Variants in COMMD7 observed in about 807,000 individuals in gnomAD.
COMMD7 encodes COMM domain containing 7, also known as COMM domain-containing protein 7.
A neutral mutation model predicts 34.8 loss-of-function variants in COMMD7; 28 were observed. That is an observed-to-expected ratio of 0.80 (90% CI 0.60 to 1.10). The LOEUF (loss-of-function observed/expected upper bound fraction) is 1.10. Ranked by LOEUF, COMMD7 falls within the 50% of genes least tolerant of loss-of-function variation. The pLI is 0.00. For missense variants in COMMD7, 211 were observed against 241.6 expected, an observed-to-expected ratio of 0.87 and a Z score of 0.84; for synonymous variants, 80 against 86.4, an observed-to-expected ratio of 0.93 and a Z score of 0.41.
intron 5 of COMMD7, among the ~76,000 whole-genome samples, chr20:32,705,380 T>C (rs1455966409): frequency 6.9e-6 from 1 of 145,670 alleles, no homozygotes; most frequent in Admixed American, 6.8e-5. Context: ...ATATATATTT[T>C]TTTTTTTCTT....
At chr20:32,704,565 C>G in intron 6 of COMMD7, 76 bp from the exon 7 acceptor site, 2 of 1,497,540 alleles carry the variant, frequency 1.3e-6, no homozygotes, top group Non-Finnish European at 1.8e-6. Context: ...CCCTGAAGAC[C>G]CCAGTTTTGC....
At chr20:32,722,447 G>C (rs1344250083) in intron 3 of COMMD7, among the ~76,000 whole-genome samples, 2 of 152,044 alleles carry the variant, frequency 1.3e-5, no homozygotes, top group African/African-American at 2.4e-5. Context: ...CGTTCTGGCC[G>C]GGTGTGATGG....
At chr20:32,736,813 G>C (rs1283509405) in intron 1 of COMMD7, among the ~76,000 whole-genome samples, 2 of 152,156 alleles carry the variant, frequency 1.3e-5, no homozygotes, top group African/African-American at 2.4e-5. Context: ...AGCCACAGTG[G>C]GTATATCACT....
chr20:32,723,045 A>AAATAAATAAAT (rs1555806267), intron 3 of COMMD7, among the ~76,000 whole-genome samples: 30 of 40,238 alleles, frequency 7.5e-4, no homozygotes, highest in African/African-American at 1.9e-3. Flanking sequence ...ATAAATAAAT[A>AAATAAATAAAT]AATAATAATA....
chr20:32,713,188 A>G (rs1984575777), intron 3 of COMMD7, among the ~76,000 whole-genome samples: 4 of 151,516 alleles, frequency 2.6e-5, no homozygotes, highest in Admixed American at 2.6e-4. Context: ...AGCTGGGATT[A>G]CAGGCATGTG....
chr20:32,722,111 G>T (rs2145747973), intron 3 of COMMD7, among the ~76,000 whole-genome samples: 3 of 151,814 alleles, frequency 2.0e-5, no homozygotes, highest in Middle Eastern at 3.4e-3. Context: ...CAGGTGTGGT[G>T]GTGCATGCCT....
chr20:32,725,435 T>TTG (rs1555825872), intron 3 of COMMD7, among the ~76,000 whole-genome samples: 1 of 148,606 alleles, frequency 6.7e-6, no homozygotes, highest in Non-Finnish European at 1.5e-5. Context: ...TGTTTTGTTT[T>TTG]TTTTTTTTTT....
Position 32,710,149 on chromosome 20 carries a change from C to T in COMMD7, c.242-3389G>A, listed in dbSNP as rs1180478134. 5.3e-5 allele frequency among the ~76,000 whole-genome samples: 8 copies of T among 152,098 alleles called. No individual in the cohort carries two copies. The East Asian group carries it at 1.3e-3, about 26-fold the overall frequency. ...TTGGCCTCTCAAAATGCTGGGATTACAGGCATGAGCTGCCAATCCCAGCCT... is the reference window on the plus strand; with the variant it reads ...TTGGCCTCTCAAAATGCTGGGATTATAGGCATGAGCTGCCAATCCCAGCCT... On this transcript the variant is annotated intron_variant, in intron 3 of 8. Coordinates refer to ENST00000278980, the MANE Select transcript of COMMD7 (RefSeq NM_053041.3).
At chr20:32,732,844 G>A (rs1480230678) in intron 1 of COMMD7, among the ~76,000 whole-genome samples, 1 of 152,016 alleles carries the variant, frequency 6.6e-6, no homozygotes, top group African/African-American at 2.4e-5. Context: ...GCTGAGGCAG[G>A]AGAATGGCAT....
At chr20:32,741,562 T>C (rs1986447825) in intron 1 of COMMD7, among the ~76,000 whole-genome samples, 1 of 152,114 alleles carries the variant, frequency 6.6e-6, no homozygotes, top group African/African-American at 2.4e-5. Flanking sequence ...AGCTAATTTT[T>C]GTATTTTTAG....
chr20:32,717,352 GTC>G (rs1984859214), intron 3 of COMMD7, among the ~76,000 whole-genome samples: 2 of 145,698 alleles, frequency 1.4e-5, no homozygotes, highest in Non-Finnish European at 3.0e-5. Context: ...TTAAGACAGA[GTC>G]TCACTCTGTC....
chr20:32,713,984 G>A (rs1251587867), intron 3 of COMMD7, among the ~76,000 whole-genome samples: 1 of 152,078 alleles, frequency 6.6e-6, no homozygotes, highest in Non-Finnish European at 1.5e-5. Context: ...GTGGTGGTGA[G>A]CGCCTGTAAT....
At chr20:32,716,590 G>C (rs1984800415) in intron 3 of COMMD7, among the ~76,000 whole-genome samples, 1 of 152,090 alleles carries the variant, frequency 6.6e-6, no homozygotes, top group Non-Finnish European at 1.5e-5. Flanking sequence ...ACTCCAGCCT[G>C]GGTGACAGAG....
intron 3 of COMMD7, among the ~76,000 whole-genome samples, chr20:32,711,228 C>G (rs1311809325): frequency 6.6e-6 from 1 of 151,970 alleles, no homozygotes; most frequent in Non-Finnish European, 1.5e-5. Context: ...GAAACCCCGT[C>G]TCCACTAAAA....
chr20:32,740,529 T>C (rs890378064), intron 1 of COMMD7, among the ~76,000 whole-genome samples: 1 of 87,532 alleles, frequency 1.1e-5, no homozygotes, highest in African/African-American at 3.9e-5. Flanking sequence ...AACATTATAA[T>C]GGAGGTAAAA....
intron 3 of COMMD7, among the ~76,000 whole-genome samples, chr20:32,723,078 C>CATGT (rs1183292107): frequency 7.4e-5 from 3 of 40,688 alleles, no homozygotes; most frequent in African/African-American, 1.9e-4. Context: ...ACTTGTGATC[C>CATGT]TCTCCCTCTC....
intron 3 of COMMD7, among the ~76,000 whole-genome samples, chr20:32,708,580 AG>A (rs1355093447): frequency 1.3e-5 from 2 of 151,970 alleles, no homozygotes; most frequent in Non-Finnish European, 2.9e-5. Flanking sequence ...CCATGAATAC[AG>A]TGTCTTAGTT....
rs1444391732 is a variant in COMMD7, at chr20:32,703,336, GGGA to G, written c.*43_*45del. ...CCTCTCAGAGCAGTCACCCAGGGAA[GGGA>G]GGAGGGCAGGGAACGGGGCCAGGGG... On this transcript the variant is annotated 3_prime_UTR_variant, in exon 9 of 9. Transcript: ENST00000278980. The G allele has an allele frequency of 6.4e-6, 10 of 1,556,786 alleles. No individual in the cohort carries two copies. The Admixed American group carries it at 8.6e-5, about 13-fold the overall frequency.
chr20:32,708,588 A>C (rs557088881), intron 3 of COMMD7, among the ~76,000 whole-genome samples: 8 of 151,928 alleles, frequency 5.3e-5, no homozygotes. Flanking sequence ...ACAGTGTCTT[A>C]GTTTATATCC....
Sources: gnomAD v4.1 joint callset for allele counts (sites outside exome capture counted in the v4.1 genomes callset) on GRCh38, gnomAD v4.1.1 for gene constraint, MANE v1.5 for transcripts, NCBI Gene and HGNC (gene_info 2026-07-23, HGNC 2026-07-21) for gene names.